The following DLGAP1 variants were observed in gnomAD, a reference collection of about 807,000 sequenced individuals.
DLGAP1 encodes the protein disks large-associated protein 1.
DLGAP1 carries 11 observed loss-of-function variants against 90.8 expected under a neutral mutation model. The ratio of observed to expected loss-of-function variants is 0.12; its 90% CI spans 0.08 to 0.20. The LOEUF (loss-of-function observed/expected upper bound fraction) is 0.20. Among genes scored for constraint, DLGAP1 ranks in the 10% least tolerant of loss-of-function variants. DLGAP1 has a pLI of 1.00. For missense variants in DLGAP1, 1,050 were observed against 1,333.8 expected (o/e 0.79, Z 3.31); for synonymous variants, 558 against 540.7 (o/e 1.03, Z -0.44).
intron 5 of DLGAP1, among the ~76,000 whole-genome samples, chr18:3,763,991 T>C (rs2064097557): frequency 6.6e-6 from 1 of 152,278 alleles, no homozygotes; most frequent in South Asian, 2.1e-4. Flanking sequence ...AATACATGCA[T>C]ATATCACCTA....
chr18:4,061,895 T>G (rs1001274367), intron 2 of DLGAP1, among the ~76,000 whole-genome samples: 9 of 152,144 alleles, frequency 5.9e-5, no homozygotes, highest in Non-Finnish European at 1.2e-4. Context: ...AAAGATGGTT[T>G]TATAATCACC....
At position 4,454,863 on chromosome 18, in the gene DLGAP1, G is replaced by C. The variant is rs560496636; in HGVS notation, c.-267+143C>G. On this transcript the variant is annotated intron_variant, in intron 1 of 12. Transcript: ENST00000315677. The surrounding 1 kb of genome is among the most constrained non-coding windows in gnomAD (Gnocchi z 4.7). ...GTAAGGAGCGCGGACTCTCGAGCCA[G>C]CGGCCGGGGGAGCCCAGCCCGCAGC... is the stretch of plus-strand genomic sequence containing the variant. 1 of 151,742 alleles carries C rather than the reference G, an allele frequency of 6.6e-6. No individual in the cohort carries two copies. Among genetic ancestry groups the C allele is most frequent in the Admixed American group, 6.5e-5 (1 of 15,276 alleles). The allele number at this position is 151,742 out of a possible 1,614,324, so 9.4% of individuals were successfully genotyped here. A position where few individuals can be genotyped will look rare whatever the true frequency, so the allele number is the denominator to read the frequency against.
chr18:3,706,148 C>G (rs112847640), intron 7 of DLGAP1, among the ~76,000 whole-genome samples: 4,024 of 151,926 alleles, frequency 0.026, 173 homozygotes, highest in African/African-American at 0.091. Flanking sequence ...AGGCACTCAC[C>G]ACCATGCCTG....
intron 3 of DLGAP1, among the ~76,000 whole-genome samples, chr18:3,961,834 G>C (rs1036435584): frequency 6.6e-6 from 1 of 152,228 alleles, no homozygotes; most frequent in African/African-American, 2.4e-5. Context: ...TCATGCTGCT[G>C]TGAGGGGCAT....
intron 6 of DLGAP1, among the ~76,000 whole-genome samples, chr18:3,741,001 A>C (rs1598535111): frequency 1.3e-5 from 1 of 78,504 alleles, no homozygotes; most frequent in Non-Finnish European, 2.5e-5. Flanking sequence ...CCATCACCTC[A>C]CCACCACCAC....
intron 2 of DLGAP1, among the ~76,000 whole-genome samples, chr18:4,137,056 C>T (rs933875417): frequency 6.6e-6 from 1 of 152,100 alleles, no homozygotes; most frequent in African/African-American, 2.4e-5. Flanking sequence ...CCCCCTTCCC[C>T]CACTCCACAA....
chr18:3,720,890 A>C (rs1190579760), intron 7 of DLGAP1, among the ~76,000 whole-genome samples: 18 of 138,222 alleles, frequency 1.3e-4, no homozygotes, highest in African/African-American at 4.9e-4. Flanking sequence ...TGTCTCTACA[A>C]AAAAAAAAAA....
chr18:3,900,036 A>C (rs2071747519), intron 3 of DLGAP1, among the ~76,000 whole-genome samples: 1 of 152,228 alleles, frequency 6.6e-6, no homozygotes, highest in African/African-American at 2.4e-5. Context: ...ATCCTGAAGA[A>C]ATAAATTGTG....
intron 9 of DLGAP1, among the ~76,000 whole-genome samples, chr18:3,561,977 C>A (rs1391720022): frequency 6.6e-6 from 1 of 150,574 alleles, no homozygotes; most frequent in Non-Finnish European, 1.5e-5. Flanking sequence ...GTCTGTAATC[C>A]CAGCACTTTG....
intron 1 of DLGAP1, among the ~76,000 whole-genome samples, chr18:4,164,469 C>A (rs960311265): frequency 6.6e-6 from 1 of 152,128 alleles, no homozygotes; most frequent in Non-Finnish European, 1.5e-5. Context: ...CACCTGAGGT[C>A]AGGAGTTTGA....
chr18:3,940,613 G>T (rs1335086071), intron 3 of DLGAP1, among the ~76,000 whole-genome samples: 1 of 152,144 alleles, frequency 6.6e-6, no homozygotes, highest in Non-Finnish European at 1.5e-5. Context: ...GTCAAAATAA[G>T]TAACCACCTA....
At chr18:4,178,871 T>C (rs1387574043) in intron 1 of DLGAP1, among the ~76,000 whole-genome samples, 1 of 152,162 alleles carries the variant, frequency 6.6e-6, no homozygotes, top group Non-Finnish European at 1.5e-5. Context: ...AATATAGAAA[T>C]GTCTAAACTA....
At chr18:3,908,213 A>C (rs1463952364) in intron 3 of DLGAP1, among the ~76,000 whole-genome samples, 3 of 152,188 alleles carry the variant, frequency 2.0e-5, no homozygotes, top group Non-Finnish European at 4.4e-5. Context: ...GCAAAATGAG[A>C]AAAACACAAT....
chr18:3,714,890 G>T (rs939186213), intron 7 of DLGAP1, among the ~76,000 whole-genome samples: 1 of 152,084 alleles, frequency 6.6e-6, no homozygotes, highest in African/African-American at 2.4e-5. Context: ...GCCTGCCTCT[G>T]CTTCCCAAAG....
intron 3 of DLGAP1, among the ~76,000 whole-genome samples, chr18:3,969,554 A>T (rs567714734): frequency 3.9e-5 from 6 of 152,326 alleles, no homozygotes; most frequent in Admixed American, 1.3e-4. Context: ...TGTAAAAGAG[A>T]TCCAGAAAAA....
At position 4,235,736 on chromosome 18, in the gene DLGAP1, T is replaced by C. The variant is rs534465852; in HGVS notation, c.-266-84449A>G. ...TTCAATGTCTTTTTTTTTTTTTTTT[T>C]TTTTTTTGAGACGGAGTCTCACTCT... is the stretch of plus-strand genomic sequence containing the variant. On this transcript the variant is annotated intron_variant, in intron 1 of 12. Transcript: ENST00000315677. 1.9e-3 allele frequency among the ~76,000 whole-genome samples: 272 copies of C among 142,026 alleles called. 5 individuals carry two copies. Among genetic ancestry groups the C allele is most frequent in the Admixed American group, 0.014 (195 of 14,218 alleles). 93.2% of individuals were successfully genotyped at this position (142,026 alleles called of 152,430 possible).
chr18:3,712,431 A>G (rs1345682770), intron 7 of DLGAP1, among the ~76,000 whole-genome samples: 2 of 152,214 alleles, frequency 1.3e-5, no homozygotes, highest in Admixed American at 1.3e-4. Flanking sequence ...TTCCCACTGG[A>G]AAGTCTCACC....
At chr18:3,887,210 C>T (rs2071339721) in intron 3 of DLGAP1, among the ~76,000 whole-genome samples, 1 of 152,170 alleles carries the variant, frequency 6.6e-6, no homozygotes, top group South Asian at 2.1e-4. Flanking sequence ...GACAAAATAG[C>T]TCGCGGTTAT....
chr18:3,838,576 G>A (rs78412923), intron 4 of DLGAP1, among the ~76,000 whole-genome samples: 1,617 of 152,302 alleles, frequency 0.011, 26 homozygotes, highest in African/African-American at 0.035. Context: ...GAGCCAGGTT[G>A]TGAACTGCTT....
Sources: gnomAD v4.1 joint callset for allele counts (sites outside exome capture counted in the v4.1 genomes callset) on GRCh38, gnomAD v4.1.1 for gene constraint, Gnocchi (gnomAD v3.1) non-coding constraint, MANE v1.5 for transcripts, NCBI Gene and HGNC (gene_info 2026-07-23, HGNC 2026-07-21) for gene names.